Variants in CSNK1G1 observed in about 807,000 individuals in gnomAD.
CSNK1G1 encodes the protein casein kinase 1 gamma 1.
A neutral mutation model predicts 59.6 loss-of-function variants in CSNK1G1; 22 were observed. The observed-to-expected ratio is 0.37, with a 90% CI of 0.26 to 0.53. The LOEUF is 0.53. Ranked by LOEUF, CSNK1G1 falls within the 20% of genes least tolerant of loss-of-function variation. The probability of loss-of-function intolerance (pLI) is 0.89; values close to 1 mark genes in which losing one functional copy is unlikely to be tolerated. For missense variants in CSNK1G1, 384 were observed against 519.5 expected, an observed-to-expected ratio of 0.74 and a Z score of 2.54; for synonymous variants, 179 against 177.1, an observed-to-expected ratio of 1.01 and a Z score of -0.08.
At chr15:64,308,190 C>T (rs2140416598) in intron 1 of CSNK1G1, among the ~76,000 whole-genome samples, 1 of 152,168 alleles carries the variant, frequency 6.6e-6, no homozygotes, top group South Asian at 2.1e-4. Context: ...ACCTTCAGAT[C>T]CCTTACTTTT....
At chr15:64,337,504 C>T (rs935283491) in intron 1 of CSNK1G1, among the ~76,000 whole-genome samples, 6 of 152,010 alleles carry the variant, frequency 3.9e-5, no homozygotes, top group African/African-American at 1.4e-4. Context: ...ACCACCATGC[C>T]TATTTTATTT....
intron 1 of CSNK1G1, among the ~76,000 whole-genome samples, chr15:64,308,023 T>C (rs1279678989): frequency 1.3e-5 from 2 of 152,046 alleles, no homozygotes; most frequent in African/African-American, 2.4e-5. Flanking sequence ...GGGAAAAAAA[T>C]GTTCGTCTTC....
At chr15:64,312,778 T>C (rs2140424717) in intron 1 of CSNK1G1, among the ~76,000 whole-genome samples, 1 of 152,302 alleles carries the variant, frequency 6.6e-6, no homozygotes, top group East Asian at 1.9e-4. Flanking sequence ...ACTAAACAGC[T>C]GCTGCACAGC....
Position 64,214,012 on chromosome 15 carries a change from A to G in CSNK1G1, c.557T>C (p.Ile186Thr), listed in dbSNP as rs2082280017. The G allele has an allele frequency of 6.2e-7, 1 of 1,614,126 alleles. No homozygotes were observed. The highest frequency in any genetic ancestry group is 1.7e-5 in the Admixed American group (1 of 60,024). ...GTATTCCTTGGCCAGTCCAAAGTCTATAATGTGTATAACATGCTCTTTCTT... is the reference window on the plus strand; with the variant it reads ...GTATTCCTTGGCCAGTCCAAAGTCTGTAATGTGTATAACATGCTCTTTCTT... ...GNKKEHVIHI[I>T]DFGLAKEYID... Residue 186 changes from isoleucine (I) to threonine (T), a missense_variant, in exon 6 of 12, where the codon ATA becomes ACA. Physicochemically the swap from Ile to Thr is moderately conservative, Grantham distance 89 (BLOSUM62 -1). Transcript: ENST00000303052. The surrounding 1 kb of genome is among the most constrained non-coding windows in gnomAD (Gnocchi z 4.3).
At chr15:64,213,470 G>A (rs2082273674) in intron 6 of CSNK1G1, among the ~76,000 whole-genome samples, 1 of 152,172 alleles carries the variant, frequency 6.6e-6, no homozygotes. Flanking sequence ...AGACTTCTGT[G>A]CAGAACTATG....
intron 1 of CSNK1G1, among the ~76,000 whole-genome samples, chr15:64,314,119 A>G (rs1348706305): frequency 6.6e-6 from 1 of 152,154 alleles, no homozygotes; most frequent in Admixed American, 6.5e-5. Context: ...TTTTATTCAT[A>G]TTTAGAGATG....
chr15:64,301,912 A>C (rs1284859721), intron 1 of CSNK1G1, among the ~76,000 whole-genome samples: 1 of 152,050 alleles, frequency 6.6e-6, no homozygotes, highest in African/African-American at 2.4e-5. Context: ...GAAAGAAAGA[A>C]AACTTAAGAG....
chr15:64,199,744 T>G (rs899653666), intron 10 of CSNK1G1, among the ~76,000 whole-genome samples: 7 of 151,952 alleles, frequency 4.6e-5, no homozygotes, highest in African/African-American at 1.7e-4. Context: ...TCCCAGCTAC[T>G]CGGGAGGCTG....
intron 1 of CSNK1G1, among the ~76,000 whole-genome samples, chr15:64,329,200 T>C (rs376887910): frequency 0.017 from 2,515 of 150,872 alleles, 17 homozygotes; most frequent in East Asian, 0.028. Flanking sequence ...GAACTCTCCA[T>C]CCCAAATCAA....
chr15:64,180,457 G>A lies in CSNK1G1; in HGVS notation c.1108-3C>T, dbSNP rs775559110. 4 of 1,610,902 alleles carry A rather than the reference G, an allele frequency of 2.5e-6. No homozygotes were observed. The East Asian group carries it at 8.9e-5, about 36-fold the overall frequency. ...TCTCCATTGGTTGAGCTAACCACCT[G>A]AAACAGAAAGACAGAAGTGTGTGAC... On this transcript the variant is annotated splice_polypyrimidine_tract_variant and splice_region_variant and intron_variant, in intron 10 of 11. Transcript: ENST00000303052.
At chr15:64,203,233 AC>A in intron 9 of CSNK1G1, 44 bp from the exon 10 acceptor site, 1 of 1,210,856 alleles carries the variant, frequency 8.3e-7, no homozygotes, top group South Asian at 1.2e-5. Flanking sequence ...AACAGGTCCA[AC>A]TTGATGCATA....
chr15:64,204,752 C>T (rs959158179), intron 8 of CSNK1G1, 113 bp downstream of exon 8: 29 of 1,126,482 alleles, frequency 2.6e-5, no homozygotes, highest in Non-Finnish European at 2.1e-5. Flanking sequence ...TGGTCTGTAT[C>T]ACAAAAGGAA....
intron 1 of CSNK1G1, among the ~76,000 whole-genome samples, chr15:64,323,955 T>G (rs1896702979): frequency 6.6e-6 from 1 of 152,216 alleles, no homozygotes. Context: ...CAGGTACACT[T>G]TAAATGATTT....
intron 2 of CSNK1G1, among the ~76,000 whole-genome samples, chr15:64,291,618 A>T (rs987128995): frequency 2.6e-5 from 4 of 152,216 alleles, no homozygotes; most frequent in Middle Eastern, 3.2e-3. Context: ...ATTATGTTTC[A>T]TCTTAAGCCT....
At chr15:64,285,283 T>C (rs947092840) in intron 2 of CSNK1G1, among the ~76,000 whole-genome samples, 1 of 152,122 alleles carries the variant, frequency 6.6e-6, no homozygotes, top group Non-Finnish European at 1.5e-5. Flanking sequence ...TCCCAAAGTA[T>C]ATCCAACATT....
At position 64,300,375 on chromosome 15, in the gene CSNK1G1, G is replaced by C; in HGVS notation, c.125C>G (p.Pro42Arg). The C allele has an allele frequency of 6.2e-7, 1 of 1,614,140 alleles. No homozygotes were observed. ...SSSSGVLMVG[P>R]NFRVGKKIGC... Reference sequence around the variant, plus strand: ...TATCTTCTTGCCAACCCTGAAGTTGGGTCCCACCATAAGAACCCCAGAGGA... The same window carrying C: ...TATCTTCTTGCCAACCCTGAAGTTGCGTCCCACCATAAGAACCCCAGAGGA... Residue 42 changes from proline (P) to arginine (R), a missense_variant, in exon 2 of 12, where the codon CCC (proline) becomes CGC (arginine). Physicochemically the swap from Pro to Arg is moderately radical, Grantham distance 103. This residue lies in a region of CSNK1G1 where 56 missense variants were observed against 60.8 expected (regional missense o/e 0.92). Coordinates refer to ENST00000303052, the MANE Select transcript of CSNK1G1 (RefSeq NM_022048.5).
rs142492044 is a variant in CSNK1G1, at chr15:64,180,065, A to G, written c.1214+283T>C. On this transcript the variant is annotated intron_variant, in intron 11 of 11. Coordinates refer to ENST00000303052, the MANE Select transcript of CSNK1G1 (RefSeq NM_022048.5). ...AGCAAGAAGCTCCACAGCCCCAAGAAGCTCATGGCTACTATCCACTGTAGC... is the reference window on the plus strand; with the variant it reads ...AGCAAGAAGCTCCACAGCCCCAAGAGGCTCATGGCTACTATCCACTGTAGC... 32 of 344,190 alleles carry G rather than the reference A, an allele frequency of 9.3e-5. No homozygotes were observed. The East Asian group carries it at 1.5e-3, about 16-fold the overall frequency. 21.3% of individuals were successfully genotyped at this position (344,190 alleles called of 1,614,324 possible). A position where few individuals can be genotyped will look rare whatever the true frequency, so the allele number is the denominator to read the frequency against.
At chr15:64,290,934 C>T (rs895526494) in intron 2 of CSNK1G1, among the ~76,000 whole-genome samples, 1 of 151,972 alleles carries the variant, frequency 6.6e-6, no homozygotes, top group African/African-American at 2.4e-5. Context: ...GGCTGGTCTC[C>T]AACTCCTGAC....
At chr15:64,340,453 G>A (rs975198048) in intron 1 of CSNK1G1, among the ~76,000 whole-genome samples, 6 of 152,132 alleles carry the variant, frequency 3.9e-5, no homozygotes, top group African/African-American at 1.4e-4. Context: ...GTAGGTTTAT[G>A]TATGTTGAAC....
Sources: gnomAD v4.1 joint callset for allele counts (sites outside exome capture counted in the v4.1 genomes callset) on GRCh38, gnomAD v4.1.1 for gene constraint, gnomAD v4.1.1 regional missense constraint, Gnocchi (gnomAD v3.1) non-coding constraint, MANE v1.5 for transcripts, NCBI Gene and HGNC (gene_info 2026-07-23, HGNC 2026-07-21) for gene names.